The following FAM185A variants were observed in gnomAD, a reference collection of about 807,000 sequenced individuals.
FAM185A encodes family with sequence similarity 185 member A, also known as protein FAM185A.
In FAM185A, 21 loss-of-function variants were observed where a neutral mutation model predicts 45.7. That is an observed-to-expected ratio of 0.46 (90% CI 0.33 to 0.66). FAM185A has a LOEUF of 0.66. Among genes scored for constraint, FAM185A ranks in the 30% least tolerant of loss-of-function variants. The pLI is 0.03. For missense variants in FAM185A, 305 were observed against 485.4 expected (o/e 0.63, Z 3.49); for synonymous variants, 117 against 194.0 (o/e 0.60, Z 3.30).
chr7:102,797,267 A>C (rs545009374), intron 7 of FAM185A, among the ~76,000 whole-genome samples: 1 of 152,196 alleles, frequency 6.6e-6, no homozygotes, highest in Admixed American at 6.5e-5. Context: ...TAGAGACCAT[A>C]CTGGCTAACA....
chr7:102,757,298 A>C (rs1793808436), intron 2 of FAM185A, among the ~76,000 whole-genome samples: 1 of 152,046 alleles, frequency 6.6e-6, no homozygotes, highest in Admixed American at 6.5e-5. Flanking sequence ...TCTAATTGTT[A>C]CTTTAGATTT....
chr7:102,798,873 A>G (rs1483645175), intron 7 of FAM185A, among the ~76,000 whole-genome samples: 3 of 151,722 alleles, frequency 2.0e-5, no homozygotes, highest in Non-Finnish European at 4.4e-5. Context: ...TCAGCCTCCC[A>G]AGTAGCTGGG....
chr7:102,799,635 A>G (rs1796654133), intron 7 of FAM185A, among the ~76,000 whole-genome samples: 1 of 152,206 alleles, frequency 6.6e-6, no homozygotes, highest in South Asian at 2.1e-4. Context: ...TCCTCAGTTC[A>G]GATTTTGTTA....
the FAM185A span, among the ~76,000 whole-genome samples, chr7:102,833,137 TG>T: frequency 6.6e-6 from 1 of 152,240 alleles, no homozygotes; most frequent in Non-Finnish European, 1.5e-5. Context: ...ATCCAACATC[TG>T]TTTATAGCAA....
In FAM185A at chr7:102,749,073, T is replaced by A. The variant is rs1793165435; in HGVS notation, c.-135T>A. 7.4e-7 allele frequency: 1 copy of A among 1,344,118 alleles called. No homozygotes were observed. The highest frequency in any genetic ancestry group is 1.0e-6 in the Non-Finnish European group (1 of 962,404). 83.3% of individuals were successfully genotyped at this position (1,344,118 alleles called of 1,614,324 possible). A position where few individuals can be genotyped will look rare whatever the true frequency, so the allele number is the denominator to read the frequency against. ...AGAACGCCTAGTCAAGCCAACCGGCTCGCTCTTGTTTCAGCAAACCCTGAC... is the reference window on the plus strand; with the variant it reads ...AGAACGCCTAGTCAAGCCAACCGGCACGCTCTTGTTTCAGCAAACCCTGAC... On this transcript the variant is annotated 5_prime_UTR_variant, in exon 1 of 8. Coordinates refer to ENST00000413034, the MANE Select transcript of FAM185A (RefSeq NM_001145268.2).
At chr7:102,848,273 G>GTGTGT in the FAM185A span, among the ~76,000 whole-genome samples, 1 of 116,170 alleles carries the variant, frequency 8.6e-6, no homozygotes. Flanking sequence ...ATACACATTC[G>GTGTGT]AGGCCGGGCG....
At chr7:102,777,638 T>C (rs1335814805) in intron 6 of FAM185A, among the ~76,000 whole-genome samples, 2 of 152,262 alleles carry the variant, frequency 1.3e-5, no homozygotes, top group Non-Finnish European at 2.9e-5. Flanking sequence ...GATTTTTCAG[T>C]TTATTCTATT....
Position 102,749,094 on chromosome 7 carries a change from C to G in FAM185A, c.-114C>G. The G allele has an allele frequency of 6.9e-7, 1 of 1,449,824 alleles. No individual in the cohort carries two copies. Among genetic ancestry groups the G allele is most frequent in the Non-Finnish European group, 9.5e-7 (1 of 1,056,762 alleles). 89.8% of individuals were successfully genotyped at this position (1,449,824 alleles called of 1,614,324 possible). ...CGGCTCGCTCTTGTTTCAGCAAACC[C>G]TGACTTACGTCTCCTATTTGACTTG... On this transcript the variant is annotated 5_prime_UTR_variant, in exon 1 of 8. Transcript: ENST00000413034.
At chr7:102,802,361 TA>T (rs1796848338) in intron 7 of FAM185A, among the ~76,000 whole-genome samples, 1 of 152,110 alleles carries the variant, frequency 6.6e-6, no homozygotes, top group Non-Finnish European at 1.5e-5. Context: ...CACAGTGGAA[TA>T]AAACTGGAAA....
At chr7:102,796,023 C>T (rs993817651) in intron 7 of FAM185A, among the ~76,000 whole-genome samples, 4 of 151,980 alleles carry the variant, frequency 2.6e-5, no homozygotes, top group African/African-American at 7.3e-5. Context: ...GAGAAATTCA[C>T]GCAGAGCTGG....
chr7:102,795,344 A>G (rs1348607835), intron 7 of FAM185A, among the ~76,000 whole-genome samples: 1 of 152,218 alleles, frequency 6.6e-6, no homozygotes, highest in Non-Finnish European at 1.5e-5. Context: ...TTATTTCAAA[A>G]TAAGTTAAAA....
chr7:102,766,091 CA>C (rs1382694307), intron 4 of FAM185A, among the ~76,000 whole-genome samples: 4 of 152,194 alleles, frequency 2.6e-5, no homozygotes, highest in Non-Finnish European at 5.9e-5. Context: ...CTATTGGAGA[CA>C]ATGAAAAACT....
chr7:102,821,214 C>A, the FAM185A span, among the ~76,000 whole-genome samples: 1 of 152,120 alleles, frequency 6.6e-6, no homozygotes, highest in South Asian at 2.1e-4. Flanking sequence ...TATCTCCAGA[C>A]CTATCAGGAA....
At chr7:102,766,528 C>G (rs1207588010) in intron 4 of FAM185A, among the ~76,000 whole-genome samples, 5 of 152,088 alleles carry the variant, frequency 3.3e-5, no homozygotes, top group African/African-American at 1.2e-4. Flanking sequence ...AAGAAATGTC[C>G]CAATCTGCTT....
chr7:102,827,675 C>G, the FAM185A span, among the ~76,000 whole-genome samples: 3 of 152,056 alleles, frequency 2.0e-5, no homozygotes, highest in East Asian at 1.9e-4. Context: ...ATTCCTCCCC[C>G]CTCCCGCCAC....
the FAM185A span, among the ~76,000 whole-genome samples, chr7:102,834,100 A>AAGAC: frequency 9.5e-6 from 1 of 105,736 alleles, no homozygotes; most frequent in Non-Finnish European, 1.9e-5. Context: ...GAAAGAAAGA[A>AAGAC]AGAAAGAAAG....
chr7:102,813,648 G>A (rs1797604612), downstream of FAM185A: 2 of 1,018,230 alleles, frequency 2.0e-6, no homozygotes, highest in East Asian at 4.9e-5. Context: ...ATTCACATGA[G>A]ACCTCTCTTG....
chr7:102,805,315 T>A (rs1447896088), intron 7 of FAM185A, among the ~76,000 whole-genome samples: 1 of 151,956 alleles, frequency 6.6e-6, no homozygotes, highest in Non-Finnish European at 1.5e-5. Flanking sequence ...ATAAAGAAAC[T>A]GGAATATATA....
At chr7:102,790,109 A>G (rs1468093939) in intron 7 of FAM185A, among the ~76,000 whole-genome samples, 1 of 152,116 alleles carries the variant, frequency 6.6e-6, no homozygotes, top group African/African-American at 2.4e-5. Flanking sequence ...CAGAAGATAT[A>G]CACTCTAACG....
Sources: gnomAD v4.1 joint callset for allele counts (sites outside exome capture counted in the v4.1 genomes callset) on GRCh38, gnomAD v4.1.1 for gene constraint, MANE v1.5 for transcripts, NCBI Gene and HGNC (gene_info 2026-07-23, HGNC 2026-07-21) for gene names.